CPEB3: variants seen among roughly 807,000 people sequenced by gnomAD.
CPEB3 encodes the protein cytoplasmic polyadenylation element binding protein 3.
A neutral mutation model predicts 67.2 loss-of-function variants in CPEB3; 20 were observed. The ratio of observed to expected loss-of-function variants is 0.30; its 90% CI spans 0.21 to 0.43. CPEB3 has a LOEUF of 0.43. Ranked by LOEUF, CPEB3 falls within the 20% of genes least tolerant of loss-of-function variation. The pLI, the probability that CPEB3 is intolerant of heterozygous loss-of-function variation, is 1.00. For missense variants in CPEB3, 746 were observed against 968.6 expected, an observed-to-expected ratio of 0.77 and a Z score of 3.05; for synonymous variants, 376 against 393.1, an observed-to-expected ratio of 0.96 and a Z score of 0.51.
chr10:92,236,178 T>C (rs1041530990), intron 2 of CPEB3, among the ~76,000 whole-genome samples: 2 of 152,166 alleles, frequency 1.3e-5, no homozygotes, highest in African/African-American at 4.8e-5. Context: ...TAAGTCCCTC[T>C]GAATGGAGTC....
intron 2 of CPEB3, among the ~76,000 whole-genome samples, chr10:92,217,688 G>C (rs1453552942): frequency 6.6e-6 from 1 of 152,104 alleles, no homozygotes; most frequent in Non-Finnish European, 1.5e-5. Context: ...CTTGAACCTG[G>C]GAGGCACAGG....
chr10:92,150,256 CTT>C (rs1191378027), intron 4 of CPEB3, among the ~76,000 whole-genome samples: 12 of 144,228 alleles, frequency 8.3e-5, no homozygotes, highest in East Asian at 2.0e-4. Flanking sequence ...CTCTCTCTCT[CTT>C]TTTTTTTTTT....
intron 2 of CPEB3, among the ~76,000 whole-genome samples, chr10:92,232,544 G>A (rs546241313): frequency 1.3e-5 from 2 of 151,502 alleles, no homozygotes; most frequent in East Asian, 2.0e-4. Context: ...GGATCACAAG[G>A]TCAGGAGTTC....
intron 2 of CPEB3, among the ~76,000 whole-genome samples, chr10:92,220,026 C>T (rs1850615575): frequency 6.6e-6 from 1 of 152,044 alleles, no homozygotes; most frequent in African/African-American, 2.4e-5. Flanking sequence ...AGTGTGGTGG[C>T]GCATGCCTGT....
At chr10:92,233,054 T>C (rs1417761926) in intron 2 of CPEB3, among the ~76,000 whole-genome samples, 1 of 152,186 alleles carries the variant, frequency 6.6e-6, no homozygotes, top group Non-Finnish European at 1.5e-5. Flanking sequence ...ATATCAACCA[T>C]GTCATAACAG....
At chr10:92,211,227 T>C (rs1270813240) in intron 2 of CPEB3, among the ~76,000 whole-genome samples, 1 of 152,218 alleles carries the variant, frequency 6.6e-6, no homozygotes, top group Non-Finnish European at 1.5e-5. Flanking sequence ...AATTTTTGTT[T>C]AGAAAATTTG....
At chr10:92,158,540 T>A (rs1296170571) in intron 4 of CPEB3, among the ~76,000 whole-genome samples, 1 of 152,144 alleles carries the variant, frequency 6.6e-6, no homozygotes, top group African/African-American at 2.4e-5. Context: ...CTCTCTCTCT[T>A]CATAGATTCC....
intron 1 of CPEB3, among the ~76,000 whole-genome samples, chr10:92,276,674 C>T (rs1388245349): frequency 6.6e-6 from 1 of 152,100 alleles, no homozygotes; most frequent in Non-Finnish European, 1.5e-5. Context: ...TTTGTGTAGG[C>T]ATATGTTTTC....
rs765792905 is a variant in CPEB3 at position 92,274,101 on chromosome 10, C to G, written c.-12+16825G>C. On this transcript the variant is annotated intron_variant, in intron 1 of 9. Transcript: ENST00000265997. Reference sequence around the variant, plus strand: ...ATTCAAATGTCAGCCATGCCACTTACTTGCTATGATTTCATTTTTCCAATG... The same window carrying G: ...ATTCAAATGTCAGCCATGCCACTTAGTTGCTATGATTTCATTTTTCCAATG... Among the ~76,000 whole-genome samples, 74 of 152,200 alleles carry G rather than the reference C, an allele frequency of 4.9e-4. 2 individuals are homozygous for G. The highest frequency in any genetic ancestry group is 1.5e-5 in the Non-Finnish European group (1 of 68,032).
intron 7 of CPEB3, among the ~76,000 whole-genome samples, chr10:92,103,831 T>C (rs1233569004): frequency 6.6e-6 from 1 of 152,230 alleles, no homozygotes; most frequent in Non-Finnish European, 1.5e-5. Flanking sequence ...CCAGACAACT[T>C]TGTCCAATGT....
chr10:92,181,367 CAAAAAAA>C (rs55896574), intron 3 of CPEB3, among the ~76,000 whole-genome samples: 120 of 95,430 alleles, frequency 1.3e-3, no homozygotes, highest in Middle Eastern at 0.012. Context: ...ATTCAAGCAG[CAAAAAAA>C]AAAAAAAAAA....
chr10:92,243,797 A>G (rs1851948201), intron 1 of CPEB3, among the ~76,000 whole-genome samples: 2 of 152,236 alleles, frequency 1.3e-5, no homozygotes, highest in Admixed American at 6.5e-5. Context: ...GTTAAATGTG[A>G]TATCAACCTT....
upstream of CPEB3, chr10:92,291,231 C>G (rs746842): frequency 0.25 from 135,975 of 533,270 alleles, 19,891 homozygotes; most frequent in Middle Eastern, 0.33. Context: ...ACCGGAACCT[C>G]GGGCCGACGG....
intron 1 of CPEB3, among the ~76,000 whole-genome samples, chr10:92,287,249 C>T (rs1842574606): frequency 6.6e-6 from 1 of 152,122 alleles, no homozygotes; most frequent in Non-Finnish European, 1.5e-5. Flanking sequence ...CTATCTCAGC[C>T]TCCTGAGTAG....
chr10:92,073,547 T>G (rs962640521), intron 9 of CPEB3, among the ~76,000 whole-genome samples: 1 of 152,058 alleles, frequency 6.6e-6, no homozygotes, highest in African/African-American at 2.4e-5. Context: ...TAATAGATCC[T>G]CCTGCCTCAG....
intron 7 of CPEB3, among the ~76,000 whole-genome samples, chr10:92,095,587 T>G (rs963260839): frequency 1.2e-5 from 1 of 80,860 alleles, no homozygotes; most frequent in Non-Finnish European, 2.3e-5. Context: ...CTGATTTATA[T>G]ATATATATAT....
intron 1 of CPEB3, among the ~76,000 whole-genome samples, chr10:92,284,975 A>AT (rs1362609308): frequency 6.6e-6 from 1 of 152,242 alleles, no homozygotes; most frequent in Non-Finnish European, 1.5e-5. Flanking sequence ...AAGAAAAGAA[A>AT]TTTACTTGGT....
intron 9 of CPEB3, among the ~76,000 whole-genome samples, chr10:92,054,644 G>A (rs1842045680): frequency 6.6e-6 from 1 of 152,100 alleles, no homozygotes; most frequent in South Asian, 2.1e-4. Context: ...GTTTCACCGT[G>A]TTGGCCAGGC....
At chr10:92,082,864 A>G (rs1316076360) in intron 8 of CPEB3, among the ~76,000 whole-genome samples, 1 of 152,146 alleles carries the variant, frequency 6.6e-6, no homozygotes, top group Non-Finnish European at 1.5e-5. Context: ...GCCACAGCCA[A>G]TGTGCAAAGA....
Sources: allele counts gnomAD v4.1 joint callset (sites outside exome capture counted in the v4.1 genomes callset), GRCh38; gene constraint gnomAD v4.1.1; transcripts MANE v1.5; gene names NCBI Gene and HGNC (gene_info 2026-07-23, HGNC 2026-07-21).